APP: variants seen among roughly 807,000 people sequenced by gnomAD.
APP encodes the protein amyloid beta precursor protein, also known as amyloid-beta precursor protein.
A neutral mutation model predicts 101.4 loss-of-function variants in APP; 31 were observed. The ratio of observed to expected loss-of-function variants is 0.31; its 90% confidence interval spans 0.23 to 0.41. The LOEUF (loss-of-function observed/expected upper bound fraction) is 0.41. APP is among the 10% of genes least tolerant of loss of function. The probability of loss-of-function intolerance (pLI) is 1.00; values close to 1 mark genes in which losing one functional copy is unlikely to be tolerated. For missense variants in APP, 839 were observed against 1,003.7 expected (o/e 0.84, Z 2.22); for synonymous variants, 366 against 364.4 (o/e 1.00, Z -0.05).
intron 1 of APP, among the ~76,000 whole-genome samples, chr21:26,126,668 A>G (rs978157788): frequency 6.6e-6 from 1 of 152,026 alleles, no homozygotes; most frequent in African/African-American, 2.4e-5. Flanking sequence ...GGATGTTACT[A>G]AACATCCTAC....
chr21:26,120,357 G>A (rs1331028635), intron 1 of APP, among the ~76,000 whole-genome samples: 3 of 152,170 alleles, frequency 2.0e-5, no homozygotes, highest in Admixed American at 1.3e-4. Context: ...GTCTCAGTAT[G>A]TTGCCGAGGC....
rs371593668 is a variant in APP at position 26,136,180 on chromosome 21, A to AG, written c.58-24035dup. 6.8e-4 allele frequency among the ~76,000 whole-genome samples: 52 copies of AG among 75,918 alleles called. 1 individual carries two copies. Among genetic ancestry groups the AG allele is most frequent in the African/African-American group, 1.7e-3 (14 of 8,236 alleles). 49.8% of individuals were successfully genotyped at this position (75,918 alleles called of 152,430 possible). A position where few individuals can be genotyped will look rare whatever the true frequency, so the allele number is the denominator to read the frequency against. ...AAAAGAAAAGAAAGAAAAGAAAGAA[A>AG]GAAAGAAAGAAAGAAAGAAAGAAAA... On this transcript the variant is annotated intron_variant, in intron 1 of 17. Coordinates refer to ENST00000346798, the MANE Select transcript of APP (RefSeq NM_000484.4).
At chr21:26,100,002 C>T (rs2062022541) in intron 2 of APP, among the ~76,000 whole-genome samples, 1 of 152,138 alleles carries the variant, frequency 6.6e-6, no homozygotes, top group Non-Finnish European at 1.5e-5. Flanking sequence ...TGTCAAAGAA[C>T]CTTGTTTGAT....
At chr21:25,979,287 T>C (rs2042336756) in intron 9 of APP, among the ~76,000 whole-genome samples, 1 of 152,228 alleles carries the variant, frequency 6.6e-6, no homozygotes. Flanking sequence ...ATTTTTAAAA[T>C]TTAAAATTCT....
chr21:25,993,443 T>G (rs7279377), intron 8 of APP, among the ~76,000 whole-genome samples: 137,915 of 151,906 alleles, frequency 0.91, 62,619 homozygotes, highest in East Asian at 0.95. Context: ...GGTGAACCAA[T>G]GACTTCAAAC....
rs553233041 is a variant in APP at position 26,077,377 on chromosome 21, C to G, written c.355+12566G>C. On this transcript the variant is annotated intron_variant, in intron 3 of 17. Coordinates refer to ENST00000346798, the MANE Select transcript of APP (RefSeq NM_000484.4). ...TGGTATGGTTTTACCCCATATATGG[C>G]ATCTGTATTGTGAGTCTGCCAGAAC... Among the ~76,000 whole-genome samples, 5 of 152,318 alleles carry G rather than the reference C, an allele frequency of 3.3e-5. No homozygotes were observed. The South Asian group carries it at 1.0e-3, about 32-fold the overall frequency.
chr21:26,125,589 G>A (rs141028722), intron 1 of APP, among the ~76,000 whole-genome samples: 2 of 151,934 alleles, frequency 1.3e-5, no homozygotes, highest in African/African-American at 4.8e-5. Context: ...CGGTGTTTAG[G>A]GGGTGAGTCT....
At chr21:26,076,369 C>T (rs1372461871) in intron 3 of APP, among the ~76,000 whole-genome samples, 1 of 152,122 alleles carries the variant, frequency 6.6e-6, no homozygotes, top group South Asian at 2.1e-4. Flanking sequence ...AAAAAGTTTA[C>T]AATTATTAAT....
intron 9 of APP, among the ~76,000 whole-genome samples, chr21:25,981,845 T>A (rs998185312): frequency 1.3e-5 from 2 of 151,902 alleles, no homozygotes; most frequent in Non-Finnish European, 2.9e-5. Context: ...AGCCACTCTC[T>A]CGAACCTCTA....
At chr21:26,158,799 C>T (rs2063426498) in intron 1 of APP, among the ~76,000 whole-genome samples, 1 of 152,210 alleles carries the variant, frequency 6.6e-6, no homozygotes, top group Non-Finnish European at 1.5e-5. Context: ...CACCTTCACA[C>T]ATCCTTGAAA....
intron 1 of APP, among the ~76,000 whole-genome samples, chr21:26,145,157 C>G (rs2063128529): frequency 6.6e-6 from 1 of 152,164 alleles, no homozygotes; most frequent in Non-Finnish European, 1.5e-5. Flanking sequence ...CAAAAGCTGG[C>G]TGACTACCTA....
chr21:26,015,614 C>G (rs1217688165), intron 6 of APP, among the ~76,000 whole-genome samples: 2 of 152,074 alleles, frequency 1.3e-5, no homozygotes, highest in Non-Finnish European at 2.9e-5. Context: ...ACACTACACA[C>G]ATAAAAAACA....
At chr21:26,001,691 G>A (rs113673100) in intron 6 of APP, among the ~76,000 whole-genome samples, 7 of 152,236 alleles carry the variant, frequency 4.6e-5, no homozygotes, top group African/African-American at 1.7e-4. Flanking sequence ...TAGAGATGGG[G>A]TTTCACCAGG....
At chr21:26,154,844 C>T (rs1458013011) in intron 1 of APP, among the ~76,000 whole-genome samples, 2 of 152,286 alleles carry the variant, frequency 1.3e-5, no homozygotes, top group Middle Eastern at 6.8e-3. Context: ...TGATTCTCTT[C>T]CTAGACAGCT....
intron 1 of APP, among the ~76,000 whole-genome samples, chr21:26,152,322 G>C (rs1404704776): frequency 6.3e-5 from 9 of 143,746 alleles, no homozygotes; most frequent in Non-Finnish European, 1.2e-4. Flanking sequence ...CCAAGGATCT[G>C]AATAGACATT....
At chr21:25,988,626 C>T (rs551808230) in intron 8 of APP, among the ~76,000 whole-genome samples, 13 of 146,578 alleles carry the variant, frequency 8.9e-5, no homozygotes, top group African/African-American at 2.8e-4. Context: ...TGCTTGAACC[C>T]GGGAGGCGGA....
intron 5 of APP, among the ~76,000 whole-genome samples, chr21:26,028,308 A>G (rs1175655887): frequency 6.6e-6 from 1 of 152,200 alleles, no homozygotes; most frequent in South Asian, 2.1e-4. Flanking sequence ...ACTTATTCTG[A>G]GTGAGACAAT....
chr21:25,930,089 AG>A (rs956382008), intron 13 of APP, among the ~76,000 whole-genome samples: 1 of 152,188 alleles, frequency 6.6e-6, no homozygotes, highest in African/African-American at 2.4e-5. Context: ...ACCTTCCAAC[AG>A]GACAAGGGAG....
chr21:25,894,634 G>A (rs2037912341), intron 16 of APP, among the ~76,000 whole-genome samples: 1 of 152,224 alleles, frequency 6.6e-6, no homozygotes, highest in Non-Finnish European at 1.5e-5. Flanking sequence ...ACCATCTCAT[G>A]ATCAAACTTG....
Sources: allele counts gnomAD v4.1 joint callset (sites outside exome capture counted in the v4.1 genomes callset), GRCh38; gene constraint gnomAD v4.1.1; transcripts MANE v1.5; gene names NCBI Gene and HGNC (gene_info 2026-07-23, HGNC 2026-07-21).